CEP112: variants seen among roughly 807,000 people sequenced by gnomAD.
CEP112 encodes the protein centrosomal protein 112, also known as centrosomal protein of 112 kDa.
Under a neutral mutation model 153.0 loss-of-function variants are expected in CEP112, and 127 were observed. That is an observed-to-expected ratio of 0.83 (90% CI 0.72 to 0.96). The LOEUF is 0.96. Among genes scored for constraint, CEP112 ranks in the 40% least tolerant of loss-of-function variants. CEP112 has a pLI of 0.00. For synonymous variants in CEP112, 358 were observed against 374.4 expected (o/e 0.96, Z 0.51); for missense variants, 1,089 against 1,101.2 (o/e 0.99, Z 0.16).
At chr17:65,724,251 A>G (rs2050052785) in intron 23 of CEP112, among the ~76,000 whole-genome samples, 1 of 152,190 alleles carries the variant, frequency 6.6e-6, no homozygotes, top group Admixed American at 6.5e-5. Context: ...GGGTGGCAGG[A>G]CAGCATCACA....
intron 21 of CEP112, among the ~76,000 whole-genome samples, chr17:65,823,329 T>C (rs1325500990): frequency 1.3e-5 from 2 of 152,156 alleles, no homozygotes; most frequent in Non-Finnish European, 2.9e-5. Context: ...TGTAAAAGGA[T>C]AGACATATAG....
intron 12 of CEP112, among the ~76,000 whole-genome samples, chr17:66,030,323 G>GGAAGGT: frequency 6.6e-6 from 1 of 152,166 alleles, no homozygotes; most frequent in South Asian, 2.1e-4. Context: ...ATAAGACAAA[G>GGAAGGT]TTCCTATCCT....
intron 11 of CEP112, among the ~76,000 whole-genome samples, chr17:66,054,533 G>C (rs574991447): frequency 4.6e-5 from 7 of 152,238 alleles, no homozygotes; most frequent in Admixed American, 4.6e-4. Flanking sequence ...ACAAACTAAG[G>C]TAAGGAAAAC....
chr17:65,680,339 C>T (rs148933878), intron 24 of CEP112, among the ~76,000 whole-genome samples: 4,187 of 152,276 alleles, frequency 0.027, 84 homozygotes, highest in Non-Finnish European at 0.04. Flanking sequence ...GAAAAAGTCA[C>T]TTAGAATATG....
chr17:65,900,910 A>G (rs949427201), intron 20 of CEP112, among the ~76,000 whole-genome samples: 5 of 152,222 alleles, frequency 3.3e-5, no homozygotes, highest in African/African-American at 1.2e-4. Context: ...AAGCCAGCGT[A>G]AAACAAGTTG....
intron 17 of CEP112, among the ~76,000 whole-genome samples, chr17:65,977,607 A>T (rs2063083025): frequency 6.6e-6 from 1 of 152,198 alleles, no homozygotes; most frequent in Admixed American, 6.5e-5. Context: ...GGCAGCAGTC[A>T]GAGCTGTGGG....
chr17:66,095,330 T>G (rs950058466), intron 8 of CEP112, among the ~76,000 whole-genome samples: 11 of 151,906 alleles, frequency 7.2e-5, no homozygotes, highest in African/African-American at 2.7e-4. Flanking sequence ...TGAAATGTTA[T>G]TCAGTTTTTA....
In CEP112 at chr17:65,839,856, G is replaced by A. The variant is rs148600263; in HGVS notation, c.2394+11948C>T. On this transcript the variant is annotated intron_variant, in intron 21 of 26. Coordinates refer to ENST00000535342, the MANE Select transcript of CEP112 (RefSeq NM_001199165.4). ...ACATAAAATCAACATGCAAAAATCT[G>A]TAGCAATTCTATACACCAACAGTGA... Among the ~76,000 whole-genome samples the A allele has an allele frequency of 2.9e-3, 443 of 152,012 alleles. 4 individuals carry two copies. Among genetic ancestry groups the A allele is most frequent in the Middle Eastern group, 0.01 (3 of 294 alleles).
At chr17:65,689,259 C>G (rs201031371) in intron 23 of CEP112, 41 bp from the exon 24 acceptor site, 1 of 1,432,950 alleles carries the variant, frequency 7.0e-7, no homozygotes, top group East Asian at 2.3e-5. Context: ...ATAATTAGCA[C>G]ACTTGGAAAA....
At chr17:65,906,292 T>C (rs1300112430) in intron 19 of CEP112, among the ~76,000 whole-genome samples, 2 of 151,800 alleles carry the variant, frequency 1.3e-5, no homozygotes, top group Non-Finnish European at 2.9e-5. Context: ...AGGGGAGGGA[T>C]AGCATTAGGA....
At chr17:66,064,778 T>C (rs1364979174) in intron 10 of CEP112, among the ~76,000 whole-genome samples, 2 of 152,314 alleles carry the variant, frequency 1.3e-5, no homozygotes, top group African/African-American at 2.4e-5. Flanking sequence ...TTAGGCATGT[T>C]TGAATTACCT....
chr17:66,068,618 A>G lies in CEP112; in HGVS notation c.855+1297T>C, dbSNP rs537867320. On this transcript the variant is annotated intron_variant, in intron 9 of 26. Coordinates refer to ENST00000535342, the MANE Select transcript of CEP112 (RefSeq NM_001199165.4). ...ATCTAGCATAAAGGATTTTATTTAT[A>G]TTTTACTTGGCACTTCAAACTAGTT... is the stretch of plus-strand genomic sequence containing the variant. Among the ~76,000 whole-genome samples, 4 of 152,306 alleles carry G rather than the reference A, an allele frequency of 2.6e-5. No individual in the cohort carries two copies. The South Asian group carries it at 6.2e-4, about 24-fold the overall frequency.
intron 17 of CEP112, among the ~76,000 whole-genome samples, chr17:65,971,401 TA>T (rs1445524969): frequency 1.9e-4 from 11 of 56,634 alleles, no homozygotes; most frequent in Non-Finnish European, 3.0e-4. Context: ...ATAGCATGTA[TA>T]TTGCACCCAT....
intron 8 of CEP112, among the ~76,000 whole-genome samples, chr17:66,074,186 G>A (rs780946437): frequency 2.0e-5 from 3 of 152,138 alleles, no homozygotes; most frequent in Non-Finnish European, 4.4e-5. Flanking sequence ...ATCGAAAAGT[G>A]CAATAATTCA....
chr17:66,041,771 T>C lies in CEP112; in HGVS notation c.1219-11748A>G, dbSNP rs143110776. Among the ~76,000 whole-genome samples the C allele has an allele frequency of 5.7e-3, 867 of 152,190 alleles. 2 individuals are homozygous for C. The highest frequency in any genetic ancestry group is 0.02 in the Middle Eastern group (6 of 294). ...TATAACCCAAAGCATAAGAAAAATA[T>C]CCACATTCTCATATTAGTATGAATA... is the stretch of plus-strand genomic sequence containing the variant. On this transcript the variant is annotated intron_variant, in intron 12 of 26. Transcript: ENST00000535342.
chr17:65,702,684 C>T (rs1414881234), intron 23 of CEP112, among the ~76,000 whole-genome samples: 6 of 152,056 alleles, frequency 3.9e-5, no homozygotes, highest in Non-Finnish European at 5.9e-5. Flanking sequence ...AAGACATACC[C>T]GAGACTGGGT....
chr17:65,658,849 G>C (rs2046195667), intron 24 of CEP112, among the ~76,000 whole-genome samples: 1 of 151,700 alleles, frequency 6.6e-6, no homozygotes, highest in African/African-American at 2.4e-5. Flanking sequence ...CGAAAGTTAG[G>C]AGAGCGGGGA....
At chr17:66,147,669 T>C (rs1223592139) in intron 4 of CEP112, among the ~76,000 whole-genome samples, 1 of 152,188 alleles carries the variant, frequency 6.6e-6, no homozygotes, top group African/African-American at 2.4e-5. Flanking sequence ...CTTTGATCCA[T>C]TTTTAGTTAA....
chr17:65,792,794 T>G (rs374422732), intron 21 of CEP112, among the ~76,000 whole-genome samples: 3 of 152,258 alleles, frequency 2.0e-5, no homozygotes, highest in East Asian at 3.9e-4. Flanking sequence ...GAGGGTACTG[T>G]TAAGTCAGAA....
Sources: gnomAD v4.1 joint callset for allele counts (sites outside exome capture counted in the v4.1 genomes callset) on GRCh38, gnomAD v4.1.1 for gene constraint, MANE v1.5 for transcripts, NCBI Gene and HGNC (gene_info 2026-07-23, HGNC 2026-07-21) for gene names.